NHS: variants seen among roughly 807,000 people sequenced by gnomAD.
NHS encodes the protein actin remodeling regulator NHS.
In NHS, 5 loss-of-function variants were observed where a neutral mutation model predicts 72.5. That is an observed-to-expected ratio of 0.07 (90% CI 0.04 to 0.14). The LOEUF is 0.14. NHS is among the 10% of genes least tolerant of loss of function. The probability of loss-of-function intolerance (pLI) is 1.00; values close to 1 mark genes in which losing one functional copy is unlikely to be tolerated. For synonymous variants in NHS, 464 were observed against 547.7 expected (o/e 0.85, Z 2.13); for missense variants, 1,072 against 1,355.7 (o/e 0.79, Z 3.29).
At chrX:17,601,499 C>T (rs187818979) in intron 1 of NHS, among the ~76,000 whole-genome samples, 4 of 111,885 alleles carry the variant, frequency 3.6e-5, no homozygotes, top group African/African-American at 1.3e-4. Context: ...TTATGATGGG[C>T]AGTTTCCACA....
At chrX:17,703,326 G>A (rs747551822) in intron 3 of NHS, among the ~76,000 whole-genome samples, 1 of 111,241 alleles carries the variant, frequency 9.0e-6, no homozygotes, top group African/African-American at 3.3e-5. Context: ...AGAATTGTGT[G>A]TCCGTTTTCC....
At chrX:17,723,801 A>G (rs1282688636) in intron 5 of NHS, among the ~76,000 whole-genome samples, 1 of 94,520 alleles carries the variant, frequency 1.1e-5, no homozygotes, top group African/African-American at 4.2e-5. Flanking sequence ...GGAATGCAAG[A>G]AGGTTTGGAC....
intron 1 of NHS, among the ~76,000 whole-genome samples, chrX:17,576,695 G>A (rs1665771536): frequency 1.8e-5 from 2 of 111,802 alleles, no homozygotes; most frequent in African/African-American, 6.5e-5. Context: ...CGTGTCGCAG[G>A]TGCCATTAAG....
chrX:17,469,878 G>C (rs1236171436), intron 1 of NHS, among the ~76,000 whole-genome samples: 2 of 111,945 alleles, frequency 1.8e-5, no homozygotes, highest in African/African-American at 6.5e-5. Flanking sequence ...CCTTACCTCA[G>C]GTGATTGGCC....
chrX:17,672,036 A>G (rs2066049772), intron 1 of NHS, among the ~76,000 whole-genome samples: 1 of 111,797 alleles, frequency 8.9e-6, no homozygotes, highest in Non-Finnish European at 1.9e-5. Flanking sequence ...AAAAGCACAT[A>G]ATCAAACAAT....
chrX:17,545,064 G>T (rs930143013), intron 1 of NHS, among the ~76,000 whole-genome samples: 1 of 112,197 alleles, frequency 8.9e-6, no homozygotes, highest in Admixed American at 9.4e-5. Context: ...GCTGGGCAGG[G>T]ACCTGCTGTC....
intron 1 of NHS, among the ~76,000 whole-genome samples, chrX:17,433,765 G>A (rs1477938166): frequency 8.9e-6 from 1 of 112,144 alleles, no homozygotes; most frequent in Admixed American, 9.4e-5. Flanking sequence ...GGAATATGGA[G>A]TGGTTCAAGG....
chrX:17,503,922 A>G (rs2065046029), intron 1 of NHS, among the ~76,000 whole-genome samples: 2 of 111,518 alleles, frequency 1.8e-5, no homozygotes, highest in South Asian at 7.6e-4. Flanking sequence ...TTCCCAAAGC[A>G]CATTCCAAGA....
At chrX:17,608,060 G>A (rs1237721762) in intron 1 of NHS, among the ~76,000 whole-genome samples, 5 of 108,195 alleles carry the variant, frequency 4.6e-5, no homozygotes, top group African/African-American at 1.7e-4. Context: ...AGGACTACAG[G>A]CACGCTACCA....
chrX:17,426,603 A>G (rs1053892234), intron 1 of NHS, among the ~76,000 whole-genome samples: 5 of 112,376 alleles, frequency 4.4e-5, no homozygotes, highest in Non-Finnish European at 9.4e-5. Context: ...ACATTCTGCA[A>G]TTTGATGAGT....
At chrX:17,712,290 T>TATATATAC (rs1396937988) in intron 3 of NHS, among the ~76,000 whole-genome samples, 69 of 52,963 alleles carry the variant, frequency 1.3e-3, no homozygotes, top group Non-Finnish European at 2.0e-3. Flanking sequence ...TATATATATA[T>TATATATAC]ACACACACAC....
At chrX:17,460,275 T>C (rs2064841825) in intron 1 of NHS, among the ~76,000 whole-genome samples, 1 of 111,916 alleles carries the variant, frequency 8.9e-6, no homozygotes, top group Admixed American at 9.5e-5. Context: ...AGCTCACCTA[T>C]TTTATTTTAT....
At chrX:17,669,407 A>G (rs753539861) in intron 1 of NHS, among the ~76,000 whole-genome samples, 1 of 112,371 alleles carries the variant, frequency 8.9e-6, no homozygotes, top group Admixed American at 9.4e-5. Context: ...AATGAGGGCC[A>G]TAGTAGGGTC....
intron 1 of NHS, among the ~76,000 whole-genome samples, chrX:17,613,925 T>G (rs887820748): frequency 1.8e-5 from 2 of 112,201 alleles, no homozygotes; most frequent in Non-Finnish European, 3.8e-5. Context: ...CAGTTCCCCA[T>G]GAAATTGAAT....
chrX:17,407,337 T>C (rs920857251), intron 1 of NHS, among the ~76,000 whole-genome samples: 1 of 111,276 alleles, frequency 9.0e-6, no homozygotes, highest in Non-Finnish European at 1.9e-5. Context: ...CCTTCTCCAA[T>C]TGCTTGATTT....
chrX:17,548,408 G>T (rs1325832469), intron 1 of NHS, among the ~76,000 whole-genome samples: 1 of 110,935 alleles, frequency 9.0e-6, no homozygotes, highest in African/African-American at 3.3e-5. Context: ...CTCCATCTAT[G>T]TGCCAGTTTT....
At chrX:17,462,824 C>T (rs1252530374) in intron 1 of NHS, among the ~76,000 whole-genome samples, 1 of 111,865 alleles carries the variant, frequency 8.9e-6, no homozygotes, top group East Asian at 2.8e-4. Context: ...TCTCAATTTA[C>T]AGACATGGGG....
chrX:17,390,932 G>A (rs1424252925), intron 1 of NHS, among the ~76,000 whole-genome samples: 2 of 112,086 alleles, frequency 1.8e-5, no homozygotes, highest in Non-Finnish European at 3.8e-5. Flanking sequence ...GACAATGAGT[G>A]GAGCAGGCTG....
intron 1 of NHS, among the ~76,000 whole-genome samples, chrX:17,462,020 G>A (rs1172566055): frequency 9.0e-6 from 1 of 110,939 alleles, no homozygotes; most frequent in Admixed American, 9.7e-5. Flanking sequence ...AAGTCACATG[G>A]TCAGCTCAGA....
Sources: allele counts gnomAD v4.1 joint callset (sites outside exome capture counted in the v4.1 genomes callset), GRCh38; gene constraint gnomAD v4.1.1; transcripts MANE v1.5; gene names NCBI Gene and HGNC (gene_info 2026-07-23, HGNC 2026-07-21).